LMF1: variants seen among roughly 807,000 people sequenced by gnomAD.
LMF1 encodes lipase maturation factor 1, also known as transmembrane protein 112.
Under a neutral mutation model 60.6 loss-of-function variants are expected in LMF1, and 68 were observed. That is an observed-to-expected ratio of 1.12 (90% CI 0.92 to 1.37). The LOEUF is 1.37. LMF1 is among the 40% of genes most tolerant of loss of function. The pLI, the probability that LMF1 is intolerant of heterozygous loss-of-function variation, is 0.00. For synonymous variants in LMF1, 418 were observed against 324.7 expected, an observed-to-expected ratio of 1.29 and a Z score of -3.09; for missense variants, 948 against 767.2, an observed-to-expected ratio of 1.24 and a Z score of -2.78.
At chr16:915,054 T>G (rs2071241972) in intron 3 of LMF1, among the ~76,000 whole-genome samples, 2 of 152,204 alleles carry the variant, frequency 1.3e-5, no homozygotes, top group African/African-American at 4.8e-5. Context: ...TGAGGGCTTG[T>G]AGGGTTTTCA....
At chr16:968,482 C>T (rs934527927) in intron 1 of LMF1, 5 of 152,214 alleles carry the variant, frequency 3.3e-5, no homozygotes, top group African/African-American at 4.8e-5. Context: ...TTGGAAAAAC[C>T]CTGGGATTCT....
rs555467723 is a variant in LMF1, at chr16:917,561, C to T, written c.515-6482G>A. Among the ~76,000 whole-genome samples the T allele has an allele frequency of 3.9e-5, 6 of 152,158 alleles. No homozygotes were observed. The South Asian group carries it at 6.2e-4, about 16-fold the overall frequency. On this transcript the variant is annotated intron_variant, in intron 3 of 10. Coordinates refer to ENST00000262301, the MANE Select transcript of LMF1 (RefSeq NM_022773.4). Reference sequence around the variant, plus strand: ...CAGGCCCACGTGAAGAAATGCCACACGTGTGTGCTGCGGGCAGGTGCCGTT... The same window carrying T: ...CAGGCCCACGTGAAGAAATGCCACATGTGTGTGCTGCGGGCAGGTGCCGTT...
chr16:947,656 G>C, intron 2 of LMF1: 2 of 453,368 alleles, frequency 4.4e-6, no homozygotes, highest in Non-Finnish European at 8.9e-6. Context: ...CTTCCTTCTG[G>C]GGTCGAGACA....
At chr16:882,009 T>A (rs1024776224) in intron 5 of LMF1, among the ~76,000 whole-genome samples, 1 of 152,028 alleles carries the variant, frequency 6.6e-6, no homozygotes, top group Non-Finnish European at 1.5e-5. Context: ...ATCACAAGCG[T>A]CCCCGTGGGA....
chr16:881,643 C>G (rs774324333), intron 5 of LMF1: 1 of 152,314 alleles, frequency 6.6e-6, no homozygotes, highest in Non-Finnish European at 1.5e-5. Flanking sequence ...ATGTGGGACC[C>G]ACCCCCTAGT....
intron 1 of LMF1, among the ~76,000 whole-genome samples, chr16:966,537 A>G (rs1166015606): frequency 6.6e-6 from 1 of 152,204 alleles, no homozygotes; most frequent in East Asian, 1.9e-4. Flanking sequence ...TCACCTACAG[A>G]TCCCTTCCGA....
intron 4 of LMF1, among the ~76,000 whole-genome samples, chr16:906,701 G>T (rs144350751): frequency 6.6e-6 from 1 of 152,128 alleles, no homozygotes; most frequent in Non-Finnish European, 1.5e-5. Flanking sequence ...TCTTCATTAC[G>T]ATCATTTTTC....
chr16:955,195 A>G (rs2072657489), intron 1 of LMF1, among the ~76,000 whole-genome samples: 1 of 123,112 alleles, frequency 8.1e-6, no homozygotes, highest in East Asian at 2.3e-4. Flanking sequence ...ACACACATCT[A>G]AGTAAACTAG....
intron 4 of LMF1, chr16:893,278 A>G (rs1403881446): frequency 1.5e-6 from 1 of 671,310 alleles, no homozygotes; most frequent in East Asian, 2.9e-5. Context: ...TGAGGACAGG[A>G]GTTTAGTGCA....
chr16:923,268 C>T (rs1439214373), intron 3 of LMF1, among the ~76,000 whole-genome samples: 1 of 152,192 alleles, frequency 6.6e-6, no homozygotes, highest in Admixed American at 6.5e-5. Flanking sequence ...GTGGCAGCTG[C>T]TAACACTGGC....
At chr16:867,108 A>T (rs1567147523) in intron 10 of LMF1, among the ~76,000 whole-genome samples, 2 of 151,318 alleles carry the variant, frequency 1.3e-5, no homozygotes, top group Non-Finnish European at 2.9e-5. Flanking sequence ...CACCTGCTCC[A>T]GCTGCCAAAC....
chr16:917,698 T>C lies in LMF1; in HGVS notation c.515-6619A>G, dbSNP rs529335467. On this transcript the variant is annotated intron_variant, in intron 3 of 10. Transcript: ENST00000262301. Reference sequence around the variant, plus strand: ...CCCGTACCGGGGCTGTTTGCAGGGGTGCTGGGAGGTCCTGATGTCAGCCCC... The same window carrying C: ...CCCGTACCGGGGCTGTTTGCAGGGGCGCTGGGAGGTCCTGATGTCAGCCCC... 1.7e-4 allele frequency among the ~76,000 whole-genome samples: 26 copies of C among 152,186 alleles called. No individual in the cohort carries two copies. In the East Asian group the frequency reaches 1.7e-3, roughly 10 times the overall value.
At chr16:972,969 TG>T (rs1419561178), upstream of LMF1, among the ~76,000 whole-genome samples, 2 of 152,192 alleles carry the variant, frequency 1.3e-5, no homozygotes, top group Admixed American at 1.3e-4. Context: ...GGGCAGGGCT[TG>T]GGCCGGGGAG....
chr16:863,621 A>C (rs1443518304), intron 10 of LMF1, among the ~76,000 whole-genome samples: 1 of 151,922 alleles, frequency 6.6e-6, no homozygotes, highest in Non-Finnish European at 1.5e-5. Flanking sequence ...CTTGCTTTAA[A>C]TTTTTTCCTA....
chr16:881,132 G>C (rs2070151110), intron 5 of LMF1, among the ~76,000 whole-genome samples: 1 of 152,214 alleles, frequency 6.6e-6, no homozygotes, highest in Non-Finnish European at 1.5e-5. Flanking sequence ...CATAGGGGCT[G>C]TGCTGGGCAG....
At chr16:971,029 C>G (rs1302004124), upstream of LMF1, 2 of 1,363,192 alleles carry the variant, frequency 1.5e-6, no homozygotes, top group East Asian at 5.9e-5. Flanking sequence ...TCGGAGGCCC[C>G]GCCCATTCTC....
At chr16:893,734 T>A (rs1306904627) in intron 4 of LMF1, among the ~76,000 whole-genome samples, 1 of 151,980 alleles carries the variant, frequency 6.6e-6, no homozygotes, top group Non-Finnish European at 1.5e-5. Context: ...AAGGGTCGGC[T>A]CCCACACCCG....
chr16:900,679 TTATGTG>T (rs1458460895), intron 4 of LMF1: 12 of 108,746 alleles, frequency 1.1e-4, no homozygotes, highest in African/African-American at 3.8e-4. Context: ...CTGCTAATTT[TTATGTG>T]TGTGTGTGTG....
chr16:889,828 G>A (rs1474131663), intron 5 of LMF1, among the ~76,000 whole-genome samples: 1 of 152,140 alleles, frequency 6.6e-6, no homozygotes, highest in Non-Finnish European at 1.5e-5. Context: ...CTTCACCAGT[G>A]CCTCGTCATC....
Sources: allele counts gnomAD v4.1 joint callset (sites outside exome capture counted in the v4.1 genomes callset), GRCh38; gene constraint gnomAD v4.1.1; transcripts MANE v1.5; gene names NCBI Gene and HGNC (gene_info 2026-07-23, HGNC 2026-07-21).